ATP6V1G2: variants seen among roughly 807,000 people sequenced by gnomAD.
The protein encoded by ATP6V1G2 is V-type proton ATPase subunit G 2.
In ATP6V1G2, 14 loss-of-function variants were observed where a neutral mutation model predicts 17.8. The observed-to-expected ratio is 0.79, with a 90% CI of 0.52 to 1.23. The LOEUF is 1.23. ATP6V1G2 is among the 50% of genes most tolerant of loss of function. The pLI, the probability that ATP6V1G2 is intolerant of heterozygous loss-of-function variation, is 0.00. For synonymous variants in ATP6V1G2, 57 were observed against 54.8 expected (o/e 1.04, Z -0.17); for missense variants, 112 against 152.2 (o/e 0.74, Z 1.39).
rs1267909265 is a variant in ATP6V1G2 at position 31,545,650 on chromosome 6, G to C, written c.184-69C>G. ...GAAACAGACAAGGGTCCAGGCATAT[G>C]AGGGGAAAGATCCTGAAACAAAGCC... is the stretch of plus-strand genomic sequence containing the variant. On this transcript the variant is annotated intron_variant, in intron 2 of 2. Transcript: ENST00000303892. This position sits in a 1 kb window ranked among gnomAD's most constrained non-coding sequence, Gnocchi z 4.9. The C allele has an allele frequency of 6.0e-6, 9 of 1,504,362 alleles. No individual in the cohort carries two copies. Among genetic ancestry groups the C allele is most frequent in the Non-Finnish European group, 7.2e-6 (8 of 1,116,214 alleles). 93.2% of individuals were successfully genotyped at this position (1,504,362 alleles called of 1,614,324 possible). A position where few individuals can be genotyped will look rare whatever the true frequency, so the allele number is the denominator to read the frequency against.
In ATP6V1G2 at chr6:31,545,691, C is replaced by T; in HGVS notation, c.184-110G>A. 1 of 1,205,136 alleles carries T rather than the reference C, an allele frequency of 8.3e-7. No individual in the cohort carries two copies. The allele number at this position is 1,205,136 out of a possible 1,614,324, so 74.7% of individuals were successfully genotyped here. A position where few individuals can be genotyped will look rare whatever the true frequency, so the allele number is the denominator to read the frequency against. On this transcript the variant is annotated intron_variant, in intron 2 of 2. Coordinates refer to ENST00000303892, the MANE Select transcript of ATP6V1G2 (RefSeq NM_130463.4). The surrounding 1 kb of genome is among the most constrained non-coding windows in gnomAD (Gnocchi z 4.9). Reference sequence around the variant, plus strand: ...AAACAAAGCCTAGAAGAAAGGCCCTCTCAGAAACCACCCCCATCCCACAGA... The same window carrying T: ...AAACAAAGCCTAGAAGAAAGGCCCTTTCAGAAACCACCCCCATCCCACAGA...
chr6:31,545,389 G>T lies in ATP6V1G2; in HGVS notation c.*19C>A. 3 of 1,611,534 alleles carry T rather than the reference G, an allele frequency of 1.9e-6. No homozygotes were observed. In the South Asian group the frequency reaches 3.3e-5, roughly 18 times the overall value. On this transcript the variant is annotated 3_prime_UTR_variant, in exon 3 of 3. Coordinates refer to ENST00000303892, the MANE Select transcript of ATP6V1G2 (RefSeq NM_130463.4). The surrounding 1 kb of genome is among the most constrained non-coding windows in gnomAD (Gnocchi z 4.9). ...TTGAGGGAGGGAACTGGCAGAAGGA[G>T]TCAGGCCCTACGGTGGCCCTAGGCA...
chr6:31,546,648 C>T (rs1769024821), upstream of ATP6V1G2: 1 of 1,250,092 alleles, frequency 8.0e-7, no homozygotes, highest in Admixed American at 1.7e-5. This position sits in a 1 kb window ranked among gnomAD's most constrained non-coding sequence, Gnocchi z 4.1. Flanking sequence ...TCCTCCAGCT[C>T]GTTGCTGCAG....
chr6:31,545,639 T>C lies in ATP6V1G2; in HGVS notation c.184-58A>G. 1.3e-6 allele frequency: 2 copies of C among 1,556,820 alleles called. No individual in the cohort carries two copies. Among genetic ancestry groups the C allele is most frequent in the South Asian group, 1.2e-5 (1 of 86,074 alleles). ...AGGGAAAAGCAGAAACAGACAAGGG[T>C]CCAGGCATATGAGGGGAAAGATCCT... On this transcript the variant is annotated intron_variant, in intron 2 of 2. Coordinates refer to ENST00000303892, the MANE Select transcript of ATP6V1G2 (RefSeq NM_130463.4). The surrounding 1 kb of genome is among the most constrained non-coding windows in gnomAD (Gnocchi z 4.9).
At position 31,546,302 on chromosome 6, in the gene ATP6V1G2, C is replaced by T; in HGVS notation, c.83-93G>A. On this transcript the variant is annotated intron_variant, in intron 1 of 2. Transcript: ENST00000303892. The surrounding 1 kb of genome is among the most constrained non-coding windows in gnomAD (Gnocchi z 4.1). ...AGTCCCTTCCAGAAAGTTATACAGC[C>T]TTCTCTCAGCCAACCAGGTGCCAGA... The T allele has an allele frequency of 7.4e-7, 1 of 1,350,056 alleles. No individual in the cohort carries two copies. The highest frequency in any genetic ancestry group is 1.2e-5 in the South Asian group (1 of 84,776). The allele number at this position is 1,350,056 out of a possible 1,614,324, so 83.6% of individuals were successfully genotyped here.
rs1261085595 is a variant in ATP6V1G2 at position 31,544,880 on chromosome 6, G to A, written c.*528C>T. ...TGTGTAGGTTTTGACCAGTGAGCAG[G>A]TGGTGGTAATAGTATCACAGGGTTG... On this transcript the variant is annotated 3_prime_UTR_variant, in exon 3 of 3. Coordinates refer to ENST00000303892, the MANE Select transcript of ATP6V1G2 (RefSeq NM_130463.4). 2 of 426,056 alleles carry A rather than the reference G, an allele frequency of 4.7e-6. No individual in the cohort carries two copies. The highest frequency in any genetic ancestry group is 9.4e-6 in the Non-Finnish European group (2 of 212,766). The allele number at this position is 426,056 out of a possible 1,614,324, so 26.4% of individuals were successfully genotyped here.
At position 31,545,242 on chromosome 6, in the gene ATP6V1G2, G is replaced by C; in HGVS notation, c.*166C>G. ...GGTTAAAGAACAACAAGGAGATTCA[G>C]ATGTGAGCAGGATATTTATAAGTGT... On this transcript the variant is annotated 3_prime_UTR_variant, in exon 3 of 3. Coordinates refer to ENST00000303892, the MANE Select transcript of ATP6V1G2 (RefSeq NM_130463.4). This position sits in a 1 kb window ranked among gnomAD's most constrained non-coding sequence, Gnocchi z 4.9. The C allele has an allele frequency of 1.2e-6, 1 of 805,098 alleles. No homozygotes were observed. Among genetic ancestry groups the C allele is most frequent in the Non-Finnish European group, 1.9e-6 (1 of 516,632 alleles). The allele number at this position is 805,098 out of a possible 1,614,324, so 49.9% of individuals were successfully genotyped here.
In ATP6V1G2 at chr6:31,545,456, G is replaced by A; in HGVS notation, c.309C>T (p.Val103=). The change falls in exon 3 of 3, where the codon GTC becomes GTT. Residue 103 remains valine, a synonymous_variant. Transcript: ENST00000303892. This position sits in a 1 kb window ranked among gnomAD's most constrained non-coding sequence, Gnocchi z 4.9. ...ERVLAQLLGM[V]CDVRPQVHPN... The stretch of plus-strand genomic sequence containing the variant: ...GGTGGACCTGGGGCCTGACGTCGCA[G>A]ACCATGCCAAGAAGCTGGGCCAGGA... The A allele has an allele frequency of 1.2e-6, 2 of 1,614,058 alleles. No individual in the cohort carries two copies. Among genetic ancestry groups the A allele is most frequent in the Non-Finnish European group, 8.5e-7 (1 of 1,179,998 alleles).
Position 31,546,090 on chromosome 6 carries a change from C to G in ATP6V1G2, c.183+19G>C, listed in dbSNP as rs745804253. 3 of 1,613,644 alleles carry G rather than the reference C, an allele frequency of 1.9e-6. No individual in the cohort carries two copies. In the South Asian group the frequency reaches 3.3e-5, roughly 18 times the overall value. ...ACCAACTTGCAGTGGGGTCTCAACC[C>G]GACTCTGCCTCAACTCACCGCCTGC... On this transcript the variant is annotated intron_variant, in intron 2 of 2. Transcript: ENST00000303892. The surrounding 1 kb of genome is among the most constrained non-coding windows in gnomAD (Gnocchi z 4.1).
chr6:31,546,096 T>A lies in ATP6V1G2; in HGVS notation c.183+13A>T, dbSNP rs1252896401. ...TTGCAGTGGGGTCTCAACCCGACTCTGCCTCAACTCACCGCCTGCTGCTTG... is the reference window on the plus strand; with the variant it reads ...TTGCAGTGGGGTCTCAACCCGACTCAGCCTCAACTCACCGCCTGCTGCTTG... On this transcript the variant is annotated intron_variant, in intron 2 of 2. Coordinates refer to ENST00000303892, the MANE Select transcript of ATP6V1G2 (RefSeq NM_130463.4). This position sits in a 1 kb window ranked among gnomAD's most constrained non-coding sequence, Gnocchi z 4.1. 1 of 1,613,906 alleles carries A rather than the reference T, an allele frequency of 6.2e-7. No homozygotes were observed. The highest frequency in any genetic ancestry group is 2.2e-5 in the East Asian group (1 of 44,864).
rs772501383 is a variant in ATP6V1G2, at chr6:31,545,623, C to A, written c.184-42G>T. On this transcript the variant is annotated intron_variant, in intron 2 of 2. Transcript: ENST00000303892. The surrounding 1 kb of genome is among the most constrained non-coding windows in gnomAD (Gnocchi z 4.9). Reference sequence around the variant, plus strand: ...GGGGTGGAAGAGAGAAAGGGAAAAGCAGAAACAGACAAGGGTCCAGGCATA... The same window carrying A: ...GGGGTGGAAGAGAGAAAGGGAAAAGAAGAAACAGACAAGGGTCCAGGCATA... The A allele has an allele frequency of 6.3e-7, 1 of 1,594,990 alleles. No individual in the cohort carries two copies. Among genetic ancestry groups the A allele is most frequent in the Admixed American group, 1.7e-5 (1 of 57,546 alleles).
Position 31,545,169 on chromosome 6 carries a change from A to G in ATP6V1G2, c.*239T>C. Reference sequence around the variant, plus strand: ...TACTTCCCCATATTACAAATTTCACAGAGGGTTTAGGTGAGAATGACTTGG... The same window carrying G: ...TACTTCCCCATATTACAAATTTCACGGAGGGTTTAGGTGAGAATGACTTGG... On this transcript the variant is annotated 3_prime_UTR_variant, in exon 3 of 3. Coordinates refer to ENST00000303892, the MANE Select transcript of ATP6V1G2 (RefSeq NM_130463.4). The surrounding 1 kb of genome is among the most constrained non-coding windows in gnomAD (Gnocchi z 4.9). The G allele has an allele frequency of 1.7e-6, 1 of 585,828 alleles. No individual in the cohort carries two copies. The allele number at this position is 585,828 out of a possible 1,614,324, so 36.3% of individuals were successfully genotyped here.
chr6:31,544,558 G>A lies in ATP6V1G2; in HGVS notation c.*850C>T, dbSNP rs1020861662. The A allele has an allele frequency of 5.5e-6, 2 of 366,142 alleles. No individual in the cohort carries two copies. Among genetic ancestry groups the A allele is most frequent in the African/African-American group, 2.1e-5 (1 of 46,898 alleles). The allele number at this position is 366,142 out of a possible 1,614,324, so 22.7% of individuals were successfully genotyped here. A position where few individuals can be genotyped will look rare whatever the true frequency, so the allele number is the denominator to read the frequency against. ...TAGAAAGGAAGGGCATGCATATGAG[G>A]GAACACAGTATCATTTTAGATCTTA... On this transcript the variant is annotated 3_prime_UTR_variant, in exon 3 of 3. Transcript: ENST00000303892.
rs1758600922 is a variant in ATP6V1G2, at chr6:31,544,971, T to G, written c.*437A>C. 2.9e-6 allele frequency: 1 copy of G among 347,110 alleles called. No homozygotes were observed. The allele number at this position is 347,110 out of a possible 1,614,324, so 21.5% of individuals were successfully genotyped here. ...CTAGACTTTACAGAATGATTCCTAA[T>G]CATTGAAGCAACCCTCACAAGGTAG... On this transcript the variant is annotated 3_prime_UTR_variant, in exon 3 of 3. Transcript: ENST00000303892.
chr6:31,545,731 A>G lies in ATP6V1G2; in HGVS notation c.184-150T>C. 1 of 840,134 alleles carries G rather than the reference A, an allele frequency of 1.2e-6. No homozygotes were observed. Among genetic ancestry groups the G allele is most frequent in the Non-Finnish European group, 1.8e-6 (1 of 553,580 alleles). The allele number at this position is 840,134 out of a possible 1,614,324, so 52.0% of individuals were successfully genotyped here. ...CATCCCACAGAAATATCCCAACACC[A>G]AAGAGATCAACACAGTCCCCTTTCC... On this transcript the variant is annotated intron_variant, in intron 2 of 2. Coordinates refer to ENST00000303892, the MANE Select transcript of ATP6V1G2 (RefSeq NM_130463.4). The surrounding 1 kb of genome is among the most constrained non-coding windows in gnomAD (Gnocchi z 4.9).
chr6:31,546,323 C>T lies in ATP6V1G2; in HGVS notation c.83-114G>A. The T allele has an allele frequency of 1.6e-6, 2 of 1,274,562 alleles. No homozygotes were observed. Among genetic ancestry groups the T allele is most frequent in the Non-Finnish European group, 2.2e-6 (2 of 889,740 alleles). 79.0% of individuals were successfully genotyped at this position (1,274,562 alleles called of 1,614,324 possible). On this transcript the variant is annotated intron_variant, in intron 1 of 2. Coordinates refer to ENST00000303892, the MANE Select transcript of ATP6V1G2 (RefSeq NM_130463.4). The surrounding 1 kb of genome is among the most constrained non-coding windows in gnomAD (Gnocchi z 4.1). ...CAGCCTTCTCTCAGCCAACCAGGTG[C>T]CAGATTCTAATATCCATCCATTTCT...
At position 31,545,881 on chromosome 6, in the gene ATP6V1G2, C is replaced by T. The variant is rs945022347; in HGVS notation, c.183+228G>A. On this transcript the variant is annotated intron_variant, in intron 2 of 2. Transcript: ENST00000303892. This position sits in a 1 kb window ranked among gnomAD's most constrained non-coding sequence, Gnocchi z 4.9. ...AATCATACTCCACATAGATGTTATA[C>T]TTTACACAGACTGTGGCATTCCGCC... 6.5e-6 allele frequency: 4 copies of T among 617,940 alleles called. No homozygotes were observed. The highest frequency in any genetic ancestry group is 5.7e-5 in the Admixed American group (2 of 35,120). 38.3% of individuals were successfully genotyped at this position (617,940 alleles called of 1,614,324 possible). A position where few individuals can be genotyped will look rare whatever the true frequency, so the allele number is the denominator to read the frequency against.
At position 31,545,490 on chromosome 6, in the gene ATP6V1G2, C is replaced by G. The variant is rs768092948; in HGVS notation, c.275G>C (p.Arg92Pro). 1 of 1,614,044 alleles carries G rather than the reference C, an allele frequency of 6.2e-7. No homozygotes were observed. The highest frequency in any genetic ancestry group is 1.1e-5 in the South Asian group (1 of 91,036). ...AAGAAGCTGGGCCAGGACACGCTCT[C>G]GGTTTCTCTGCTGGGAGCTCTGCAT... ...QGMQSSQQRN[R>P]ERVLAQLLGM... The change falls in exon 3 of 3, where the codon CGA (arginine) becomes CCA (proline). Residue 92 changes from arginine to proline, a missense_variant. Coordinates refer to ENST00000303892, the MANE Select transcript of ATP6V1G2 (RefSeq NM_130463.4). This position sits in a 1 kb window ranked among gnomAD's most constrained non-coding sequence, Gnocchi z 4.9.
Position 31,545,917 on chromosome 6 carries a change from A to G in ATP6V1G2, c.183+192T>C, listed in dbSNP as rs528470393. The G allele has an allele frequency of 1.1e-4, 69 of 637,304 alleles. No homozygotes were observed. The Admixed American group carries it at 1.2e-3, about 12-fold the overall frequency. The allele number at this position is 637,304 out of a possible 1,614,324, so 39.5% of individuals were successfully genotyped here. On this transcript the variant is annotated intron_variant, in intron 2 of 2. Coordinates refer to ENST00000303892, the MANE Select transcript of ATP6V1G2 (RefSeq NM_130463.4). The surrounding 1 kb of genome is among the most constrained non-coding windows in gnomAD (Gnocchi z 4.9). ...CTGTGGCATTCCGCCCACAAGCTCT[A>G]TGTGGCCTTCAAAACTCCCAGACTC...
Sources: allele counts gnomAD v4.1 joint callset, GRCh38; gene constraint gnomAD v4.1.1; non-coding constraint Gnocchi (gnomAD v3.1); transcripts MANE v1.5; gene names NCBI Gene and HGNC (gene_info 2026-07-23, HGNC 2026-07-21).